Variants in SH2B1 observed in about 807,000 individuals in gnomAD.
SH2B1 encodes SH2B adapter protein 1.
In SH2B1, 15 loss-of-function variants were observed where a neutral mutation model predicts 62.6. The observed-to-expected ratio is 0.24, with a 90% CI of 0.16 to 0.37. SH2B1 has a LOEUF of 0.37. SH2B1 is among the 10% of genes least tolerant of loss of function. The pLI is 1.00. For synonymous variants in SH2B1, 443 were observed against 438.0 expected (o/e 1.01, Z -0.14); for missense variants, 925 against 1,015.6 (o/e 0.91, Z 1.21).
chr16:28,852,792 A>C (rs1460139539), intron 1 of SH2B1, among the ~76,000 whole-genome samples: 1 of 85,346 alleles, frequency 1.2e-5, no homozygotes, highest in Non-Finnish European at 2.0e-5. Context: ...TTACATATAT[A>C]TTTACATATA....
In SH2B1 at chr16:28,866,977, C is replaced by G; in HGVS notation, c.883C>G (p.Arg295Gly). 2 of 1,605,366 alleles carry G rather than the reference C, an allele frequency of 1.2e-6. No individual in the cohort carries two copies. Among genetic ancestry groups the G allele is most frequent in the Non-Finnish European group, 1.7e-6 (2 of 1,179,950 alleles). Reference protein sequence around the residue: ...PQWQKCRLLLRSEGEGGGGSR... With the variant: ...PQWQKCRLLLGSEGEGGGGSR... ...GTGGCAGAAGTGTCGCCTGCTGCTT[C>G]GAAGTGAAGGAGAAGGAGGAGGAGG... Residue 295 changes from arginine to glycine, a missense_variant, in exon 1 of 8, where the codon CGA (arginine) becomes GGA (glycine). Transcript: ENST00000684370. The surrounding 1 kb of genome is among the most constrained non-coding windows in gnomAD (Gnocchi z 6.3).
Position 28,866,345 on chromosome 16 carries a change from C to T in SH2B1, c.251C>T (p.Ser84Phe), listed in dbSNP as rs1291506212. The T allele has an allele frequency of 6.2e-7, 1 of 1,612,894 alleles. No individual in the cohort carries two copies. Among genetic ancestry groups the T allele is most frequent in the South Asian group, 1.1e-5 (1 of 91,080 alleles). ...TTTGAAGCCGAGGTGGCCCGGGCCT[C>T]TGGCTCCCTGTCGCCACCCATCCTG... ...QHFEAEVARA[S>F]GSLSPPILAP... is the part of the protein sequence containing the mutation. The change falls in exon 1 of 8, where the codon TCT (serine) becomes TTT (phenylalanine). Residue 84 changes from serine to phenylalanine, a missense_variant. By Grantham distance (155) the Ser-to-Phe change is radical. Coordinates refer to ENST00000684370, the MANE Select transcript of SH2B1 (RefSeq NM_001387430.1). This position sits in a 1 kb window ranked among gnomAD's most constrained non-coding sequence, Gnocchi z 6.3.
Position 28,873,467 on chromosome 16 carries a change from C to T in SH2B1, c.1918C>T (p.Pro640Ser), listed in dbSNP as rs373098519. The T allele has an allele frequency of 1.9e-6, 3 of 1,566,256 alleles. No individual in the cohort carries two copies. Among genetic ancestry groups the T allele is most frequent in the South Asian group, 1.2e-5 (1 of 85,328 alleles). ...RQQEPTTSHD[P>S]PQPPEPPSWT... ...TCCAGAACCGACCACCTCCCATGAC[C>T]CACCCCAGCCCCCTGAACCCCCTTC... Residue 640 changes from proline to serine, a missense_variant, in exon 8 of 8, where the codon CCA becomes TCA. Around this residue, in one of 3 missense-constraint regions of SH2B1, gnomAD observed 185 missense variants for 189.5 expected, o/e 0.98. Coordinates refer to ENST00000684370, the MANE Select transcript of SH2B1 (RefSeq NM_001387430.1). The surrounding 1 kb of genome is among the most constrained non-coding windows in gnomAD (Gnocchi z 4.2).
rs1358795626 is a variant in SH2B1 at position 28,852,797 on chromosome 16, CAT to C, written c.-301+5977_-301+5978del. On this transcript the variant is annotated intron_variant, in intron 1 of 10. Transcript: ENST00000322610. The stretch of plus-strand genomic sequence containing the variant: ...ATATATATATTTACATATATATTTA[CAT>C]ATATATTTACATATATTTACATATA... Among the ~76,000 whole-genome samples, 54 of 60,962 alleles carry C rather than the reference CAT, an allele frequency of 8.9e-4. 14 individuals are homozygous for C. The highest frequency in any genetic ancestry group is 3.8e-3 in the East Asian group (7 of 1,848). The allele number at this position is 60,962 out of a possible 152,430, so 40.0% of individuals were successfully genotyped here. A position where few individuals can be genotyped will look rare whatever the true frequency, so the allele number is the denominator to read the frequency against.
At chr16:28,857,772 C>T (rs1233014364) in intron 1 of SH2B1, among the ~76,000 whole-genome samples, 2 of 149,298 alleles carry the variant, frequency 1.3e-5, no homozygotes, top group East Asian at 4.0e-4. Context: ...CGGAGTCTCG[C>T]TCTGTTGCCC....
In SH2B1 at chr16:28,866,523, C is replaced by T. The variant is rs781220450; in HGVS notation, c.429C>T (p.Thr143=). 1.9e-5 allele frequency: 31 copies of T among 1,613,994 alleles called. No individual in the cohort carries two copies. Among genetic ancestry groups the T allele is most frequent in the Admixed American group, 6.7e-5 (4 of 59,992 alleles). The change falls in exon 1 of 8, where the codon ACC becomes ACT. Residue 143 remains threonine (T), a synonymous_variant. Coordinates refer to ENST00000684370, the MANE Select transcript of SH2B1 (RefSeq NM_001387430.1). This position sits in a 1 kb window ranked among gnomAD's most constrained non-coding sequence, Gnocchi z 6.3. Reference sequence around the variant, plus strand: ...CCTCAGTCTCTTCCTCCTCTACAACCTCCTCCAAGCCGAAGCTCAAGAAGC... The same window carrying T: ...CCTCAGTCTCTTCCTCCTCTACAACTTCCTCCAAGCCGAAGCTCAAGAAGC... The part of the protein sequence containing the change: ...LPSSVSSSST[T]SSKPKLKKRF...
rs1330725330 is a variant in SH2B1, at chr16:28,869,260, A to G, written c.1186A>G (p.Thr396Ala). 6.2e-7 allele frequency: 1 copy of G among 1,613,896 alleles called. No homozygotes were observed. The highest frequency in any genetic ancestry group is 8.5e-7 in the Non-Finnish European group (1 of 1,179,902). ...RPMTLPLAPG[T>A]SFLTRENTDS... Reference sequence around the variant, plus strand: ...CATGACCCTCCCTCTGGCCCCTGGGACCTCATTCCTTACAAGGGAGAACAC... The same window carrying G: ...CATGACCCTCCCTCTGGCCCCTGGGGCCTCATTCCTTACAAGGGAGAACAC... Residue 396 changes from threonine (T) to alanine (A), a missense_variant, in exon 4 of 8, where the codon ACC (threonine) becomes GCC (alanine). Transcript: ENST00000684370.
rs779520493 is a variant in SH2B1, at chr16:28,866,699, C to T, written c.605C>T (p.Ser202Phe). 6.3e-6 allele frequency: 10 copies of T among 1,596,946 alleles called. No homozygotes were observed. Among genetic ancestry groups the T allele is most frequent in the Admixed American group, 3.4e-5 (2 of 58,538 alleles). ...TTAGGTGGAAACAGCAACTCCAACTCCTCTGGCGGGGCTGGGACCGTTGGT... is the reference window on the plus strand; with the variant it reads ...TTAGGTGGAAACAGCAACTCCAACTTCTCTGGCGGGGCTGGGACCGTTGGT... The part of the protein sequence containing the change: ...PVLGGNSNSN[S>F]SGGAGTVGRG... The change falls in exon 1 of 8, where the codon TCC becomes TTC. Residue 202 changes from serine to phenylalanine, a missense_variant. Transcript: ENST00000684370. This position sits in a 1 kb window ranked among gnomAD's most constrained non-coding sequence, Gnocchi z 6.3.
chr16:28,854,799 C>T (rs1962283615), intron 1 of SH2B1, among the ~76,000 whole-genome samples: 1 of 152,298 alleles, frequency 6.6e-6, no homozygotes, highest in South Asian at 2.1e-4. Flanking sequence ...GTGTGTCCCA[C>T]AAGGCCTGCA....
rs988621756 is a variant in SH2B1, at chr16:28,864,668, C to T, written c.-1427C>T. On this transcript the variant is annotated 5_prime_UTR_variant, in exon 1 of 8. Transcript: ENST00000684370. The stretch of plus-strand genomic sequence containing the variant: ...GCTCTGGCCCCAGTCCTGGGGCTGT[C>T]ACCTTCCAGTATTGCGTGGCGGGAG... 1.0e-6 allele frequency: 1 copy of T among 985,140 alleles called. No homozygotes were observed. The highest frequency in any genetic ancestry group is 6.2e-5 in the Admixed American group (1 of 16,224). The allele number at this position is 985,140 out of a possible 1,614,324, so 61.0% of individuals were successfully genotyped here.
rs1279027058 is a variant in SH2B1 at position 28,852,758 on chromosome 16, GTATATATATATT to G, written c.-301+5946_-301+5957del. Among the ~76,000 whole-genome samples, 43 of 38,108 alleles carry G rather than the reference GTATATATATATT, an allele frequency of 1.1e-3. 7 individuals are homozygous for G. Among genetic ancestry groups the G allele is most frequent in the East Asian group, 4.8e-3 (10 of 2,084 alleles). The allele number at this position is 38,108 out of a possible 152,430, so 25.0% of individuals were successfully genotyped here. ...TACATATATATATTTACATATATAT[GTATATATATATT>G]TATATATATATTTACATATATATTT... On this transcript the variant is annotated intron_variant, in intron 1 of 10. Transcript: ENST00000322610.
upstream of SH2B1, among the ~76,000 whole-genome samples, chr16:28,859,871 C>G (rs763179602): frequency 2.5e-4 from 26 of 103,080 alleles, no homozygotes; most frequent in South Asian, 7.0e-4. Flanking sequence ...CCAATAGACC[C>G]CCCCCCCCCG....
At position 28,866,978 on chromosome 16, in the gene SH2B1, G is replaced by A. The variant is rs1320370221; in HGVS notation, c.884G>A (p.Arg295Gln). The change falls in exon 1 of 8, where the codon CGA becomes CAA. Residue 295 changes from arginine to glutamine, a missense_variant. This residue lies in a region of SH2B1 where 683 missense variants were observed against 704.0 expected (regional missense o/e 0.97). Coordinates refer to ENST00000684370, the MANE Select transcript of SH2B1 (RefSeq NM_001387430.1). The surrounding 1 kb of genome is among the most constrained non-coding windows in gnomAD (Gnocchi z 6.3). ...TGGCAGAAGTGTCGCCTGCTGCTTC[G>A]AAGTGAAGGAGAAGGAGGAGGAGGA... ...PQWQKCRLLL[R>Q]SEGEGGGGSR... 5 of 1,605,138 alleles carry A rather than the reference G, an allele frequency of 3.1e-6. No individual in the cohort carries two copies. The East Asian group carries it at 6.7e-5, about 21-fold the overall frequency.
At chr16:28,848,942 G>C (rs927912932) in intron 1 of SH2B1, among the ~76,000 whole-genome samples, 4 of 152,044 alleles carry the variant, frequency 2.6e-5, no homozygotes, top group Admixed American at 1.3e-4. Context: ...AAAATGCTGG[G>C]ATTATAGGTG....
rs1418421019 is a variant in SH2B1 at position 28,866,498 on chromosome 16, C to G, written c.404C>G (p.Ser135Cys). 4 of 1,614,130 alleles carry G rather than the reference C, an allele frequency of 2.5e-6. No homozygotes were observed. The African/African-American group carries it at 4.0e-5, about 16-fold the overall frequency. Residue 135 changes from serine to cysteine, a missense_variant, in exon 1 of 8, where the codon TCC (serine) becomes TGC (cysteine). By Grantham distance (112) the Ser-to-Cys change is moderately radical (BLOSUM62 -1). This residue lies in a region of SH2B1 where 683 missense variants were observed against 704.0 expected (regional missense o/e 0.97). Transcript: ENST00000684370. This position sits in a 1 kb window ranked among gnomAD's most constrained non-coding sequence, Gnocchi z 6.3. ...SSEDLAGPLP[S>C]SVSSSSTTSS... ...GAGGACCTGGCCGGCCCCCTCCCTT[C>G]CTCAGTCTCTTCCTCCTCTACAACC... is the stretch of plus-strand genomic sequence containing the variant.
rs999465435 is a variant in SH2B1, at chr16:28,849,561, G to GA, written c.-301+2742dup. Among the ~76,000 whole-genome samples the GA allele has an allele frequency of 9.9e-5, 15 of 151,776 alleles. No homozygotes were observed. The South Asian group carries it at 1.0e-3, about 11-fold the overall frequency. On this transcript the variant is annotated intron_variant, in intron 1 of 10. Coordinates refer to the SH2B1 transcript ENST00000322610. ...TATTTATTTTAATGTGTATTAGCTT[G>GA]AAAAAAAACTGGCATAATAATCAAG...
intron 4 of SH2B1, 76 bp from the exon 5 acceptor site, chr16:28,871,704 G>T: frequency 8.4e-7 from 1 of 1,189,850 alleles, no homozygotes; most frequent in Non-Finnish European, 1.3e-6. Flanking sequence ...TAGACTGCTG[G>T]TGAGGAGATG....
chr16:28,872,629 C>A lies in SH2B1; in HGVS notation c.1821C>A (p.His607Gln). ...IFDMLEHFRV[H>Q]PIPLESGGSS... ...ATATGCTCGAGCACTTCCGGGTGCA[C>A]CCCATCCCTTTGGAGTCGGGAGGCT... is the stretch of plus-strand genomic sequence containing the variant. Residue 607 changes from histidine (H) to glutamine (Q), a missense_variant, in exon 7 of 8, where the codon CAC (histidine) becomes CAA (glutamine). His to Gln is a conservative substitution (Grantham distance 24). Around this residue, in one of 3 missense-constraint regions of SH2B1, gnomAD observed 57 missense variants for 122.1 expected, o/e 0.47. Transcript: ENST00000684370. The surrounding 1 kb of genome is among the most constrained non-coding windows in gnomAD (Gnocchi z 5.3). 1 of 1,614,160 alleles carries A rather than the reference C, an allele frequency of 6.2e-7. No homozygotes were observed. The highest frequency in any genetic ancestry group is 8.5e-7 in the Non-Finnish European group (1 of 1,180,008).
rs539136007 is a variant in SH2B1 at position 28,873,538 on chromosome 16, G to T, written c.1989G>T (p.Ala663=). 17 of 1,604,730 alleles carry T rather than the reference G, an allele frequency of 1.1e-5. No homozygotes were observed. In the South Asian group the frequency reaches 1.9e-4, roughly 18 times the overall value. The change falls in exon 8 of 8, where the codon GCG becomes GCT. Residue 663 remains alanine (A), a synonymous_variant. Transcript: ENST00000684370. The surrounding 1 kb of genome is among the most constrained non-coding windows in gnomAD (Gnocchi z 4.2). Reference sequence around the variant, plus strand: ...CTGGGGCAGAAGAGGCGTCGAGGGCGCCAGAAGTGGCGGCAGCAGCAGCCG... The same window carrying T: ...CTGGGGCAGAAGAGGCGTCGAGGGCTCCAGAAGTGGCGGCAGCAGCAGCCG... ...PQPGAEEASR[A]PEVAAAAAAA... is the part of the protein sequence containing the mutation.
Sources: allele counts gnomAD v4.1 joint callset (sites outside exome capture counted in the v4.1 genomes callset), GRCh38; gene constraint gnomAD v4.1.1; regional missense constraint gnomAD v4.1.1; non-coding constraint Gnocchi (gnomAD v3.1); transcripts MANE v1.5; gene names NCBI Gene and HGNC (gene_info 2026-07-23, HGNC 2026-07-21).